Variants in MTMR7 observed in about 807,000 individuals in gnomAD.
MTMR7 encodes the protein myotubularin related protein 7.
In MTMR7, 76 loss-of-function variants were observed where a neutral mutation model predicts 81.2. That is an observed-to-expected ratio of 0.94 (90% confidence interval 0.78 to 1.13). The LOEUF is 1.13. Among genes scored for constraint, MTMR7 ranks in the 50% most tolerant of loss-of-function variants. MTMR7 has a pLI of 0.00. For synonymous variants in MTMR7, 372 were observed against 289.8 expected (o/e 1.28, Z -2.88); for missense variants, 1,044 against 820.0 (o/e 1.27, Z -3.34).
chr8:17,398,064 G>T (rs1421646638), intron 1 of MTMR7, among the ~76,000 whole-genome samples: 1 of 152,194 alleles, frequency 6.6e-6, no homozygotes, highest in Non-Finnish European at 1.5e-5. Flanking sequence ...TACCTGGAAG[G>T]TTCCAATAAA....
At position 17,310,803 on chromosome 8, in the gene MTMR7, C is replaced by T. The variant is rs891843824; in HGVS notation, c.1101+708G>A. Among the ~76,000 whole-genome samples, 3 of 152,138 alleles carry T rather than the reference C, an allele frequency of 2.0e-5. 1 individual carries two copies. The highest frequency in any genetic ancestry group is 4.1e-4 in the South Asian group (2 of 4,826). On this transcript the variant is annotated intron_variant, in intron 9 of 13. Transcript: ENST00000180173. Reference sequence around the variant, plus strand: ...TCCTTTGTCAGCATCTTGTGTAGCACGGATTCATGATTCACTGAAGCACTG... The same window carrying T: ...TCCTTTGTCAGCATCTTGTGTAGCATGGATTCATGATTCACTGAAGCACTG...
chr8:17,311,018 GC>G (rs1438338856), intron 9 of MTMR7, among the ~76,000 whole-genome samples: 1 of 152,066 alleles, frequency 6.6e-6, no homozygotes, highest in Non-Finnish European at 1.5e-5. Context: ...ACAACAAAAG[GC>G]TGTGAAATTT....
At chr8:17,333,919 GAGAC>G (rs768114534) in intron 6 of MTMR7, among the ~76,000 whole-genome samples, 22 of 152,082 alleles carry the variant, frequency 1.4e-4, no homozygotes, top group Admixed American at 3.3e-4. Flanking sequence ...AAAAAAAAGA[GAGAC>G]AGACTACACA....
rs1306273221 is a variant in MTMR7 at position 17,297,934 on chromosome 8, T to C, written c.*1928A>G. 3 of 152,114 alleles carry C rather than the reference T, an allele frequency of 2.0e-5. No homozygotes were observed. 9.4% of individuals were successfully genotyped at this position (152,114 alleles called of 1,614,324 possible). On this transcript the variant is annotated 3_prime_UTR_variant, in exon 14 of 14. Transcript: ENST00000180173. The stretch of plus-strand genomic sequence containing the variant: ...GGACTAAAAGTTTATGACTCTGATA[T>C]GGAAGTTGTCATATTAAAAAACTAC...
chr8:17,405,254 T>G (rs1821543507), intron 1 of MTMR7, among the ~76,000 whole-genome samples: 1 of 152,196 alleles, frequency 6.6e-6, no homozygotes, highest in Non-Finnish European at 1.5e-5. Flanking sequence ...TGAACCTGCT[T>G]ACAACCTAAC....
intron 3 of MTMR7, among the ~76,000 whole-genome samples, chr8:17,363,047 C>T (rs76554739): frequency 0.024 from 3,695 of 152,272 alleles, 120 homozygotes; most frequent in East Asian, 0.074. Flanking sequence ...ACTTAGAGTA[C>T]GGACTATTTG....
chr8:17,370,074 T>C (rs920568423), intron 3 of MTMR7, among the ~76,000 whole-genome samples: 4 of 150,772 alleles, frequency 2.7e-5, no homozygotes, highest in Non-Finnish European at 4.4e-5. Flanking sequence ...TGGAACAAGA[T>C]AGCAATGGCA....
Position 17,373,203 on chromosome 8 carries a change from T to C in MTMR7, c.62A>G (p.Lys21Arg). The change falls in exon 2 of 14, where the codon AAA becomes AGA. Residue 21 changes from lysine to arginine, a missense_variant. Coordinates refer to ENST00000180173, the MANE Select transcript of MTMR7 (RefSeq NM_004686.5). ...ATACAAAGTACCTAGAGCTGCTTTT[T>C]TAGGAGACACTCGATCTACCAAGCG... ...NVRLVDRVSP[K>R]KAALGTLYLT... 6.2e-7 allele frequency: 1 copy of C among 1,613,716 alleles called. No homozygotes were observed. The highest frequency in any genetic ancestry group is 8.5e-7 in the Non-Finnish European group (1 of 1,179,800).
chr8:17,327,296 CCTAA>C (rs1818733285), intron 7 of MTMR7, among the ~76,000 whole-genome samples: 2 of 152,046 alleles, frequency 1.3e-5, no homozygotes, highest in South Asian at 4.1e-4. Context: ...TGAGACAGAG[CCTAA>C]CTCTCTGTCA....
chr8:17,403,558 G>T (rs764489656), intron 1 of MTMR7, among the ~76,000 whole-genome samples: 1 of 151,982 alleles, frequency 6.6e-6, no homozygotes, highest in Non-Finnish European at 1.5e-5. Flanking sequence ...TGGCTATTCT[G>T]GGTCTTTTGT....
At chr8:17,389,173 C>T (rs946806007) in intron 1 of MTMR7, among the ~76,000 whole-genome samples, 2 of 152,192 alleles carry the variant, frequency 1.3e-5, no homozygotes, top group African/African-American at 4.8e-5. Flanking sequence ...CTTAATAACA[C>T]CTTTCCTCAA....
intron 1 of MTMR7, among the ~76,000 whole-genome samples, chr8:17,401,889 A>G (rs982010921): frequency 6.6e-6 from 1 of 152,204 alleles, no homozygotes; most frequent in African/African-American, 2.4e-5. Flanking sequence ...TCCAGGTACT[A>G]TGAATCTTAT....
chr8:17,407,310 T>G (rs1425667670), intron 1 of MTMR7, among the ~76,000 whole-genome samples: 1 of 152,084 alleles, frequency 6.6e-6, no homozygotes, highest in Non-Finnish European at 1.5e-5. Context: ...TTCTCCCCTT[T>G]AAATTAGCAA....
At position 17,348,570 on chromosome 8, in the gene MTMR7, G is replaced by GT. The variant is rs772890123; in HGVS notation, c.597+382dup. On this transcript the variant is annotated intron_variant, in intron 5 of 13. Transcript: ENST00000180173. ...GTCTCAAAAAAAAAAAAAAAAAAAC[G>GT]TAATAGAGAAAAAGAATGGGCCATG... Among the ~76,000 whole-genome samples, 357 of 141,590 alleles carry GT rather than the reference G, an allele frequency of 2.5e-3. 1 individual carries two copies. Among genetic ancestry groups the GT allele is most frequent in the South Asian group, 4.5e-3 (20 of 4,456 alleles). 92.9% of individuals were successfully genotyped at this position (141,590 alleles called of 152,430 possible). A position where few individuals can be genotyped will look rare whatever the true frequency, so the allele number is the denominator to read the frequency against.
At chr8:17,326,862 C>T (rs1378039162) in intron 7 of MTMR7, among the ~76,000 whole-genome samples, 1 of 152,198 alleles carries the variant, frequency 6.6e-6, no homozygotes, top group Non-Finnish European at 1.5e-5. Flanking sequence ...TCCTGCCCTA[C>T]AGAAACCATG....
chr8:17,361,344 TTC>T, intron 3 of MTMR7, 70 bp from the exon 4 acceptor site: 1 of 1,574,776 alleles, frequency 6.4e-7, no homozygotes, highest in Non-Finnish European at 8.7e-7. Context: ...CCCGAAAACA[TTC>T]TGTCCCACCT....
chr8:17,380,907 C>A (rs535552982), intron 1 of MTMR7, among the ~76,000 whole-genome samples: 21 of 152,286 alleles, frequency 1.4e-4, no homozygotes, highest in African/African-American at 5.1e-4. Context: ...CAATATTATT[C>A]TTTTAGATAA....
chr8:17,360,284 A>G (rs574918264), intron 4 of MTMR7, among the ~76,000 whole-genome samples: 1 of 152,326 alleles, frequency 6.6e-6, no homozygotes, highest in African/African-American at 2.4e-5. Context: ...GCCAGATATA[A>G]TAACAGTGGC....
chr8:17,309,864 A>C (rs1817688506), intron 9 of MTMR7, among the ~76,000 whole-genome samples: 1 of 152,184 alleles, frequency 6.6e-6, no homozygotes, highest in South Asian at 2.1e-4. Context: ...AAGAATTCTA[A>C]AATGATGGTG....
Sources: gnomAD v4.1 joint callset for allele counts (sites outside exome capture counted in the v4.1 genomes callset) on GRCh38, gnomAD v4.1.1 for gene constraint, MANE v1.5 for transcripts, NCBI Gene and HGNC (gene_info 2026-07-23, HGNC 2026-07-21) for gene names.